The following PLD1 variants were observed in gnomAD, a reference collection of about 807,000 sequenced individuals.
PLD1 encodes phospholipase D1, also known as choline phosphatase 1.
Under a neutral mutation model 137.1 loss-of-function variants are expected in PLD1, and 112 were observed. That is an observed-to-expected ratio of 0.82 (90% CI 0.70 to 0.96). The LOEUF is 0.96. Ranked by LOEUF, PLD1 falls within the 40% of genes least tolerant of loss-of-function variation. The probability of loss-of-function intolerance (pLI) is 0.00; values close to 1 mark genes in which losing one functional copy is unlikely to be tolerated. For synonymous variants in PLD1, 431 were observed against 454.7 expected, an observed-to-expected ratio of 0.95 and a Z score of 0.66; for missense variants, 1,321 against 1,342.0, an observed-to-expected ratio of 0.98 and a Z score of 0.24.
chr3:171,762,745 G>C (rs920216390), intron 1 of PLD1, among the ~76,000 whole-genome samples: 6 of 152,162 alleles, frequency 3.9e-5, no homozygotes, highest in African/African-American at 1.2e-4. Flanking sequence ...AAGTGAGTTA[G>C]GTGAGGATAA....
Position 171,791,228 on chromosome 3 carries a change from G to A in PLD1, c.-32+19171C>T, listed in dbSNP as rs189335061. 3.1e-3 allele frequency among the ~76,000 whole-genome samples: 471 copies of A among 152,300 alleles called. 1 individual carries two copies. The highest frequency in any genetic ancestry group is 0.011 in the African/African-American group (448 of 41,560). On this transcript the variant is annotated intron_variant, in intron 1 of 26. Coordinates refer to ENST00000351298, the MANE Select transcript of PLD1 (RefSeq NM_002662.5). ...TCCACTTATTCAACAGATTTGTGCT[G>A]TAAAAAAACCTCACACTAGCCTATC...
chr3:171,642,907 A>C lies in PLD1; in HGVS notation c.2544-18T>G, dbSNP rs1735889047. 2 of 1,481,538 alleles carry C rather than the reference A, an allele frequency of 1.3e-6. No individual in the cohort carries two copies. The highest frequency in any genetic ancestry group is 1.9e-6 in the Non-Finnish European group (2 of 1,066,886). The allele number at this position is 1,481,538 out of a possible 1,614,324, so 91.8% of individuals were successfully genotyped here. A position where few individuals can be genotyped will look rare whatever the true frequency, so the allele number is the denominator to read the frequency against. On this transcript the variant is annotated intron_variant, in intron 22 of 26. Coordinates refer to ENST00000351298, the MANE Select transcript of PLD1 (RefSeq NM_002662.5). Reference sequence around the variant, plus strand: ...ACATGGTTCTGAAAATATGTAAAGGAGAAAATAATTACAGAGGTTTCAAAA... The same window carrying C: ...ACATGGTTCTGAAAATATGTAAAGGCGAAAATAATTACAGAGGTTTCAAAA...
chr3:171,654,114 G>C, intron 21 of PLD1: 1 of 360,730 alleles, frequency 2.8e-6, no homozygotes, highest in Non-Finnish European at 5.4e-6. Context: ...TAGCCTGGCC[G>C]ACATGGTGAA....
At chr3:171,642,967 C>G (rs1735894056) in intron 22 of PLD1, 78 bp from the exon 23 acceptor site, 2 of 789,362 alleles carry the variant, frequency 2.5e-6, no homozygotes, top group South Asian at 3.0e-5. Flanking sequence ...AGGTTTAATC[C>G]TAACACAAGT....
chr3:171,713,557 TAAAG>T (rs1277540036), intron 9 of PLD1, among the ~76,000 whole-genome samples: 1 of 152,236 alleles, frequency 6.6e-6, no homozygotes, highest in East Asian at 1.9e-4. Flanking sequence ...TTTTGTTAAT[TAAAG>T]AATATTGATT....
At chr3:171,625,004 T>C (rs1733961072) in intron 23 of PLD1, among the ~76,000 whole-genome samples, 1 of 151,998 alleles carries the variant, frequency 6.6e-6, no homozygotes, top group Non-Finnish European at 1.5e-5. Context: ...GTTTTTTGTA[T>C]AGTTCTGGCT....
intron 23 of PLD1, among the ~76,000 whole-genome samples, chr3:171,634,813 C>T (rs1734967144): frequency 6.6e-6 from 1 of 152,048 alleles, no homozygotes; most frequent in South Asian, 2.1e-4. Context: ...TTAAAGTGTA[C>T]AAATCAGTAT....
chr3:171,708,367 A>T (rs778993081), intron 11 of PLD1, among the ~76,000 whole-genome samples: 9 of 152,226 alleles, frequency 5.9e-5, no homozygotes, highest in Non-Finnish European at 1.0e-4. Context: ...CTATTTCAAC[A>T]TCAAAAGGAC....
At chr3:171,759,303 A>G (rs1372901138) in intron 1 of PLD1, among the ~76,000 whole-genome samples, 2 of 152,196 alleles carry the variant, frequency 1.3e-5, no homozygotes, top group African/African-American at 4.8e-5. Flanking sequence ...AACTCCACCT[A>G]TAAAAGTCAT....
intron 19 of PLD1, among the ~76,000 whole-genome samples, chr3:171,670,354 A>G (rs1231387767): frequency 6.6e-6 from 1 of 152,240 alleles, no homozygotes; most frequent in East Asian, 1.9e-4. Context: ...GGCCTCTTTA[A>G]TAAAATCAAT....
At chr3:171,764,933 GGAAA>G (rs151169443) in intron 1 of PLD1, among the ~76,000 whole-genome samples, 1,659 of 23,612 alleles carry the variant, frequency 0.07, 120 homozygotes, top group East Asian at 0.11. Context: ...AGGAAAGAAA[GGAAA>G]GAAAGAAAGA....
chr3:171,654,299 T>TAAA, intron 21 of PLD1: 1 of 121,802 alleles, frequency 8.2e-6, no homozygotes, highest in Non-Finnish European at 1.4e-5. Flanking sequence ...CAAGACTGTC[T>TAAA]CAAAAAAAAA....
At chr3:171,660,762 T>G (rs1327217586) in intron 20 of PLD1, among the ~76,000 whole-genome samples, 1 of 151,978 alleles carries the variant, frequency 6.6e-6, no homozygotes, top group Admixed American at 6.6e-5. Flanking sequence ...CCCGCCACCA[T>G]GCCCGGCTAA....
chr3:171,729,411 C>CT (rs1199978228), intron 6 of PLD1, among the ~76,000 whole-genome samples: 1 of 152,124 alleles, frequency 6.6e-6, no homozygotes. Context: ...GCAACAAGCC[C>CT]TAGGGGTAAC....
At chr3:171,736,058 T>A (rs539695487) in intron 3 of PLD1, among the ~76,000 whole-genome samples, 18 of 152,244 alleles carry the variant, frequency 1.2e-4, no homozygotes, top group African/African-American at 4.3e-4. Context: ...AACAGCACCA[T>A]CTTGGCTGTT....
chr3:171,604,048 T>A (rs562997345), intron 26 of PLD1, among the ~76,000 whole-genome samples: 3 of 152,064 alleles, frequency 2.0e-5, no homozygotes, highest in Non-Finnish European at 4.4e-5. Flanking sequence ...TGAAATAAGG[T>A]TATACAGGGG....
intron 1 of PLD1, among the ~76,000 whole-genome samples, chr3:171,769,301 C>G (rs530027970): frequency 5.9e-5 from 9 of 152,288 alleles, no homozygotes; most frequent in African/African-American, 2.2e-4. Context: ...TTCATGTAAG[C>G]TTTTAAAGAC....
chr3:171,689,807 G>C (rs1714968180), intron 13 of PLD1, among the ~76,000 whole-genome samples: 1 of 152,172 alleles, frequency 6.6e-6, no homozygotes. Flanking sequence ...TGGCCTTACT[G>C]TTTTCTTAAT....
intron 11 of PLD1, among the ~76,000 whole-genome samples, chr3:171,706,833 G>A (rs1716732024): frequency 6.6e-6 from 1 of 152,170 alleles, no homozygotes; most frequent in African/African-American, 2.4e-5. Flanking sequence ...TGAAAAATAA[G>A]TAACCCCGAT....
Sources: gnomAD v4.1 joint callset for allele counts (sites outside exome capture counted in the v4.1 genomes callset) on GRCh38, gnomAD v4.1.1 for gene constraint, MANE v1.5 for transcripts, NCBI Gene and HGNC (gene_info 2026-07-23, HGNC 2026-07-21) for gene names.